The following LNP1 variants were observed in gnomAD, a reference collection of about 807,000 sequenced individuals.
LNP1 encodes leukemia NUP98 fusion partner 1.
In LNP1, 12 loss-of-function variants were observed where a neutral mutation model predicts 14.5. That is an observed-to-expected ratio of 0.83 (90% confidence interval 0.53 to 1.34). LNP1 has a LOEUF of 1.34. LNP1 is among the 40% of genes most tolerant of loss of function. The pLI, the probability that LNP1 is intolerant of heterozygous loss-of-function variation, is 0.00. For synonymous variants in LNP1, 75 were observed against 71.4 expected, an observed-to-expected ratio of 1.05 and a Z score of -0.26; for missense variants, 198 against 210.9, an observed-to-expected ratio of 0.94 and a Z score of 0.38.
intron 1 of LNP1, among the ~76,000 whole-genome samples, chr3:100,404,624 A>AT (rs1706945670): frequency 6.6e-6 from 1 of 152,130 alleles, no homozygotes; most frequent in African/African-American, 2.4e-5. Context: ...TTCAGGTACC[A>AT]TTTCTGTGCA....
intron 1 of LNP1, among the ~76,000 whole-genome samples, chr3:100,421,844 G>T (rs1012893672): frequency 1.3e-5 from 2 of 152,102 alleles, no homozygotes; most frequent in African/African-American, 2.4e-5. Flanking sequence ...GGAGGTTCAA[G>T]TTTTTTTGTT....
intron 2 of LNP1, among the ~76,000 whole-genome samples, chr3:100,450,967 C>T (rs1040167421): frequency 2.0e-5 from 3 of 152,222 alleles, no homozygotes; most frequent in African/African-American, 2.4e-5. Context: ...GGGAGATCAG[C>T]GACTCTCTGG....
intron 3 of LNP1, among the ~76,000 whole-genome samples, chr3:100,452,900 A>T (rs1034274122): frequency 6.7e-6 from 1 of 149,526 alleles, no homozygotes; most frequent in Admixed American, 6.7e-5. Flanking sequence ...ATGCTCACTG[A>T]CTGGCCTTGA....
intron 1 of LNP1, among the ~76,000 whole-genome samples, chr3:100,403,470 T>G (rs1706932886): frequency 1.3e-5 from 2 of 151,934 alleles, no homozygotes; most frequent in African/African-American, 4.8e-5. Context: ...GACCTGAGTT[T>G]TTTTTTTTTT....
In LNP1 at chr3:100,418,905, A is replaced by G. The variant is rs549823913; in HGVS notation, c.-33-10792A>G. On this transcript the variant is annotated intron_variant, in intron 1 of 3. Transcript: ENST00000383693. ...GAACAAATCCCTCCCAGTTTCAGCT[A>G]CTATTCTCAAATTGGTTCCCTGTGC... is the stretch of plus-strand genomic sequence containing the variant. Among the ~76,000 whole-genome samples the G allele has an allele frequency of 2.6e-5, 4 of 152,290 alleles. No homozygotes were observed. In the South Asian group the frequency reaches 8.3e-4, roughly 32 times the overall value.
chr3:100,454,643 T>A (rs1707491827), intron 3 of LNP1, among the ~76,000 whole-genome samples: 1 of 152,206 alleles, frequency 6.6e-6, no homozygotes, highest in African/African-American at 2.4e-5. Context: ...ATTTAGCATC[T>A]AAGAGATGTG....
chr3:100,420,330 T>A (rs1707131874), intron 1 of LNP1, among the ~76,000 whole-genome samples: 1 of 152,106 alleles, frequency 6.6e-6, no homozygotes, highest in South Asian at 2.1e-4. Flanking sequence ...TCCTTCTTTT[T>A]GAGATGGTGT....
chr3:100,409,803 C>T (rs555661366), intron 1 of LNP1, among the ~76,000 whole-genome samples: 53 of 151,258 alleles, frequency 3.5e-4, no homozygotes, highest in Non-Finnish European at 5.7e-4. Context: ...CCATATTGGC[C>T]GGGCTGGTGT....
intron 1 of LNP1, among the ~76,000 whole-genome samples, chr3:100,403,553 CT>C (rs1706933571): frequency 6.6e-6 from 1 of 152,092 alleles, no homozygotes; most frequent in Non-Finnish European, 1.5e-5. Context: ...CAGCCTCTGC[CT>C]GCAGGCTTCA....
At chr3:100,454,790 T>TTGTAGA (rs1707494118) in intron 3 of LNP1, among the ~76,000 whole-genome samples, 1 of 152,214 alleles carries the variant, frequency 6.6e-6, no homozygotes, top group Non-Finnish European at 1.5e-5. Flanking sequence ...CTGACACCAC[T>TTGTAGA]GTGTTAAACA....
At chr3:100,414,632 GAT>G (rs1707063906) in intron 1 of LNP1, among the ~76,000 whole-genome samples, 1 of 152,100 alleles carries the variant, frequency 6.6e-6, no homozygotes, top group Non-Finnish European at 1.5e-5. Flanking sequence ...AGGTCAAAGA[GAT>G]TGGAAGTGAA....
chr3:100,443,712 A>G (rs547906612), intron 2 of LNP1, among the ~76,000 whole-genome samples: 1 of 152,348 alleles, frequency 6.6e-6, no homozygotes, highest in South Asian at 2.1e-4. Flanking sequence ...CCTTAAAGGA[A>G]AGCACACCAT....
At chr3:100,416,783 G>A (rs930622200) in intron 1 of LNP1, among the ~76,000 whole-genome samples, 1 of 150,144 alleles carries the variant, frequency 6.7e-6, no homozygotes, top group African/African-American at 2.5e-5. Flanking sequence ...TGTTACATAG[G>A]TATACATGTG....
chr3:100,450,801 C>T (rs1457309223), intron 2 of LNP1, among the ~76,000 whole-genome samples: 1 of 152,172 alleles, frequency 6.6e-6, no homozygotes, highest in African/African-American at 2.4e-5. Flanking sequence ...TGAGCTCAAA[C>T]TCCATAAAGG....
intron 1 of LNP1, among the ~76,000 whole-genome samples, chr3:100,419,006 C>A (rs1707118135): frequency 6.6e-6 from 1 of 152,152 alleles, no homozygotes; most frequent in South Asian, 2.1e-4. Context: ...TTTCTTCTTC[C>A]TCCTGCATGG....
In LNP1 at chr3:100,429,688, C is replaced by A; in HGVS notation, c.-33-9C>A. The stretch of plus-strand genomic sequence containing the variant: ...CCTGTTGGGTGATATTTCCCTCTGT[C>A]GCATTTAGGGACAGGCCTTCAGTAT... On this transcript the variant is annotated splice_polypyrimidine_tract_variant and intron_variant, in intron 1 of 3. Coordinates refer to ENST00000383693, the MANE Select transcript of LNP1 (RefSeq NM_001085451.2). 1 of 1,568,582 alleles carries A rather than the reference C, an allele frequency of 6.4e-7. No individual in the cohort carries two copies. Among genetic ancestry groups the A allele is most frequent in the South Asian group, 1.1e-5 (1 of 87,114 alleles).
Position 100,425,031 on chromosome 3 carries a change from C to T in LNP1, c.-33-4666C>T, listed in dbSNP as rs533978855. 5.9e-5 allele frequency among the ~76,000 whole-genome samples: 9 copies of T among 152,254 alleles called. No homozygotes were observed. In the East Asian group the frequency reaches 1.7e-3, roughly 29 times the overall value. ...TTTAACCTAGCCCGAGGCATCAATT[C>T]GAGCACAGCACATCTCTGGGTAGTA... On this transcript the variant is annotated intron_variant, in intron 1 of 3. Coordinates refer to ENST00000383693, the MANE Select transcript of LNP1 (RefSeq NM_001085451.2).
intron 2 of LNP1, among the ~76,000 whole-genome samples, chr3:100,435,128 G>A (rs1042214175): frequency 6.6e-6 from 1 of 152,124 alleles, no homozygotes; most frequent in African/African-American, 2.4e-5. Flanking sequence ...TTTCATAGGA[G>A]GCAATTCCTT....
intron 2 of LNP1, among the ~76,000 whole-genome samples, chr3:100,448,708 A>G (rs1453008093): frequency 6.6e-6 from 1 of 152,176 alleles, no homozygotes; most frequent in African/African-American, 2.4e-5. Context: ...TTTTTTCCTG[A>G]TAAAGTATTT....
Sources: allele counts gnomAD v4.1 joint callset (sites outside exome capture counted in the v4.1 genomes callset), GRCh38; gene constraint gnomAD v4.1.1; transcripts MANE v1.5; gene names NCBI Gene and HGNC (gene_info 2026-07-23, HGNC 2026-07-21).